The following SPATS2L variants were observed in gnomAD, a reference collection of about 807,000 sequenced individuals.
The protein encoded by SPATS2L is SPATS2-like protein.
SPATS2L carries 30 observed loss-of-function variants against 59.6 expected under a neutral mutation model. That is an observed-to-expected ratio of 0.50 (90% CI 0.38 to 0.68). The LOEUF (loss-of-function observed/expected upper bound fraction) is 0.68. SPATS2L is among the 30% of genes least tolerant of loss of function. The pLI, the probability that SPATS2L is intolerant of heterozygous loss-of-function variation, is 0.00. For missense variants in SPATS2L, 615 were observed against 700.0 expected (o/e 0.88, Z 1.37); for synonymous variants, 252 against 263.5 (o/e 0.96, Z 0.42).
At chr2:200,358,472 C>G (rs933037774) in intron 2 of SPATS2L, among the ~76,000 whole-genome samples, 2 of 152,242 alleles carry the variant, frequency 1.3e-5, no homozygotes, top group Middle Eastern at 3.4e-3. Context: ...ACAGGAAAAA[C>G]CTGGCTGCAA....
At chr2:200,473,086 A>G (rs1459297444) in intron 12 of SPATS2L, 34 bp downstream of exon 12, 2 of 1,485,416 alleles carry the variant, frequency 1.3e-6, no homozygotes, top group South Asian at 2.6e-5. Flanking sequence ...GCCAGAGGAA[A>G]AAAAAAAAAA....
intron 2 of SPATS2L, among the ~76,000 whole-genome samples, chr2:200,381,041 G>A (rs1401856732): frequency 6.6e-6 from 1 of 152,204 alleles, no homozygotes; most frequent in Non-Finnish European, 1.5e-5. Flanking sequence ...ATAAGGAGTA[G>A]CAAAGGATGG....
intron 1 of SPATS2L, among the ~76,000 whole-genome samples, chr2:200,319,160 T>C (rs2079477184): frequency 6.6e-6 from 1 of 152,228 alleles, no homozygotes; most frequent in South Asian, 2.1e-4. Context: ...TTGTATCTCC[T>C]CCTCGAAGTC....
intron 6 of SPATS2L, among the ~76,000 whole-genome samples, chr2:200,424,771 C>T (rs996922222): frequency 1.3e-5 from 2 of 152,176 alleles, no homozygotes; most frequent in African/African-American, 4.8e-5. Context: ...GACTGTGGGC[C>T]ATCAGCAGCT....
rs2081259289 is a variant in SPATS2L at position 200,366,052 on chromosome 2, A to T, written c.-22-23171A>T. Among the ~76,000 whole-genome samples, 2 of 152,228 alleles carry T rather than the reference A, an allele frequency of 1.3e-5. 1 individual carries two copies. Among genetic ancestry groups the T allele is most frequent in the South Asian group, 4.1e-4 (2 of 4,830 alleles). On this transcript the variant is annotated intron_variant, in intron 2 of 12. Transcript: ENST00000409140. ...TTCATCAAGTTCCTTCTGTCCATAC[A>T]GCCTCAGTTTCCTCATTTATAAAAA... is the stretch of plus-strand genomic sequence containing the variant.
At chr2:200,443,920 A>G (rs1427458940) in intron 8 of SPATS2L, among the ~76,000 whole-genome samples, 1 of 152,216 alleles carries the variant, frequency 6.6e-6, no homozygotes, top group South Asian at 2.1e-4. Context: ...AAAACCACTA[A>G]GTAGCTAAAA....
At chr2:200,356,202 A>G (rs1045845206) in intron 2 of SPATS2L, among the ~76,000 whole-genome samples, 7 of 152,218 alleles carry the variant, frequency 4.6e-5, no homozygotes, top group African/African-American at 1.7e-4. Context: ...CAGGCTCATT[A>G]TTCATATGAA....
chr2:200,327,529 G>C (rs1269093685), intron 1 of SPATS2L, among the ~76,000 whole-genome samples: 1 of 152,146 alleles, frequency 6.6e-6, no homozygotes, highest in East Asian at 1.9e-4. Context: ...TGGATATTTT[G>C]GGGAATGTCT....
At chr2:200,344,463 G>A (rs1040151954) in intron 2 of SPATS2L, among the ~76,000 whole-genome samples, 40 of 152,192 alleles carry the variant, frequency 2.6e-4, no homozygotes, top group African/African-American at 8.4e-4. Context: ...TCTTTATCCA[G>A]TCTATCACTG....
At chr2:200,416,705 G>A (rs1171535059) in intron 5 of SPATS2L, among the ~76,000 whole-genome samples, 1 of 152,052 alleles carries the variant, frequency 6.6e-6, no homozygotes, top group Non-Finnish European at 1.5e-5. Context: ...GAGCCCAGCT[G>A]GAGAATTCAA....
chr2:200,433,128 A>G (rs1257100905), intron 6 of SPATS2L, among the ~76,000 whole-genome samples: 1 of 152,196 alleles, frequency 6.6e-6, no homozygotes, highest in Non-Finnish European at 1.5e-5. Context: ...GATTGATCAA[A>G]AAGATATAAC....
At chr2:200,418,872 A>C (rs1048157755) in intron 5 of SPATS2L, among the ~76,000 whole-genome samples, 1 of 152,178 alleles carries the variant, frequency 6.6e-6, no homozygotes, top group Non-Finnish European at 1.5e-5. Flanking sequence ...CACCACTTTG[A>C]GATGAGAGCT....
intron 9 of SPATS2L, chr2:200,463,181 C>G (rs1366841964): frequency 6.6e-6 from 1 of 152,034 alleles, no homozygotes; most frequent in Non-Finnish European, 1.5e-5. Flanking sequence ...ATAGAAAGAA[C>G]CATGGAATTT....
chr2:200,442,376 T>C (rs780570556), intron 8 of SPATS2L, among the ~76,000 whole-genome samples: 1 of 152,192 alleles, frequency 6.6e-6, no homozygotes, highest in Non-Finnish European at 1.5e-5. Context: ...CTAGTAACTA[T>C]CCTAAGCATT....
At chr2:200,379,691 G>T (rs11893090) in intron 2 of SPATS2L, among the ~76,000 whole-genome samples, 14,727 of 151,622 alleles carry the variant, frequency 0.097, 878 homozygotes, top group Non-Finnish European at 0.14. Context: ...GCGGGTGGTG[G>T]GGGGGATGGG....
intron 8 of SPATS2L, among the ~76,000 whole-genome samples, chr2:200,453,520 A>G (rs1333691149): frequency 6.6e-6 from 1 of 152,238 alleles, no homozygotes; most frequent in Non-Finnish European, 1.5e-5. Flanking sequence ...TGGGAACAGT[A>G]CATTAGGCCT....
chr2:200,330,835 G>GA (rs1164973161), intron 2 of SPATS2L, among the ~76,000 whole-genome samples: 1 of 152,166 alleles, frequency 6.6e-6, no homozygotes, highest in South Asian at 2.1e-4. Flanking sequence ...TGGAAAGCAG[G>GA]AATGTTTTAC....
intron 9 of SPATS2L, among the ~76,000 whole-genome samples, chr2:200,460,350 T>G (rs1447201001): frequency 6.6e-6 from 1 of 152,206 alleles, no homozygotes; most frequent in Non-Finnish European, 1.5e-5. Flanking sequence ...TATATAAATT[T>G]AATATATCTG....
chr2:200,385,346 T>C (rs970104339), intron 2 of SPATS2L, among the ~76,000 whole-genome samples: 6 of 152,200 alleles, frequency 3.9e-5, no homozygotes, highest in African/African-American at 1.4e-4. Flanking sequence ...CAGGTGAAAA[T>C]ATATTGAAAA....
Sources: allele counts gnomAD v4.1 joint callset (sites outside exome capture counted in the v4.1 genomes callset), GRCh38; gene constraint gnomAD v4.1.1; transcripts MANE v1.5; gene names NCBI Gene and HGNC (gene_info 2026-07-23, HGNC 2026-07-21).